GRIN3B: variants seen among roughly 807,000 people sequenced by gnomAD.
The protein encoded by GRIN3B is glutamate ionotropic receptor NMDA type subunit 3B, also known as glutamate receptor ionotropic, NMDA 3B.
Under a neutral mutation model 66.0 loss-of-function variants are expected in GRIN3B, and 77 were observed. That is an observed-to-expected ratio of 1.17 (90% CI 0.97 to 1.41). The LOEUF (loss-of-function observed/expected upper bound fraction) is 1.41, where lower values mean the gene tolerates loss of function less well. GRIN3B is among the 40% of genes most tolerant of loss of function. The pLI is 0.00. For synonymous variants in GRIN3B, 823 were observed against 749.7 expected, an observed-to-expected ratio of 1.10 and a Z score of -1.60; for missense variants, 1,787 against 1,564.5, an observed-to-expected ratio of 1.14 and a Z score of -2.40.
chr19:1,004,174 C>T (rs117700614), intron 2 of GRIN3B, among the ~76,000 whole-genome samples: 2,865 of 152,272 alleles, frequency 0.019, 78 homozygotes, highest in Admixed American at 0.066. Flanking sequence ...CAGCAGAGAA[C>T]GAGCTGAACA....
intron 1 of GRIN3B, among the ~76,000 whole-genome samples, chr19:1,001,336 G>A (rs956019580): frequency 1.3e-5 from 2 of 151,790 alleles, no homozygotes; most frequent in African/African-American, 4.8e-5. Context: ...CTGCAGGTCT[G>A]GATCTCCCTC....
chr19:1,008,210 G>A lies in GRIN3B; in HGVS notation c.2385G>A (p.Lys795=), dbSNP rs980852398. 1.2e-6 allele frequency: 2 copies of A among 1,612,320 alleles called. No homozygotes were observed. The highest frequency in any genetic ancestry group is 2.7e-5 in the African/African-American group (2 of 74,868). The change falls in exon 6 of 9, where the codon AAG becomes AAA. Residue 795 remains lysine, a synonymous_variant. Transcript: ENST00000234389. Reference sequence around the variant, plus strand: ...TGTCCGAGTTCATCAGCCGCTACAAGTCCTCCGGCTTCATCGACCTGCTCC... The same window carrying A: ...TGTCCGAGTTCATCAGCCGCTACAAATCCTCCGGCTTCATCGACCTGCTCC... The part of the protein sequence containing the change: ...SNLSEFISRY[K]SSGFIDLLHD...
intron 3 of GRIN3B, among the ~76,000 whole-genome samples, chr19:1,006,380 C>CAG (rs2038749189): frequency 6.6e-6 from 1 of 151,278 alleles, no homozygotes; most frequent in African/African-American, 2.4e-5. Context: ...CCCCTGACCT[C>CAG]GTGATCCGCC....
intron 8 of GRIN3B, 69 bp from the exon 9 acceptor site, chr19:1,009,104 C>A: frequency 6.9e-7 from 1 of 1,446,930 alleles, no homozygotes; most frequent in Non-Finnish European, 9.1e-7. Flanking sequence ...CCGTCAGCGG[C>A]CTCTGCAGAG....
chr19:1,005,241 C>A lies in GRIN3B; in HGVS notation c.1740C>A (p.Gly580=), dbSNP rs777712343. 2.5e-6 allele frequency: 4 copies of A among 1,613,236 alleles called. No individual in the cohort carries two copies. Among genetic ancestry groups the A allele is most frequent in the East Asian group, 2.2e-5 (1 of 44,880 alleles). ...MWPLHWSTWL[G]VFAALHLTAL... ...CCCTGCACTGGTCCACGTGGCTGGG[C>A]GTCTTTGCGGCCCTGCACCTCACCG... Residue 580 remains glycine (G), a synonymous_variant, in exon 3 of 9, where the codon GGC becomes GGA. Coordinates refer to ENST00000234389, the MANE Select transcript of GRIN3B (RefSeq NM_138690.3). The surrounding 1 kb of genome is among the most constrained non-coding windows in gnomAD (Gnocchi z 5.2).
chr19:1,008,141 C>A lies in GRIN3B; in HGVS notation c.2316C>A (p.Gly772=). 1 of 1,592,420 alleles carries A rather than the reference C, an allele frequency of 6.3e-7. No homozygotes were observed. Among genetic ancestry groups the A allele is most frequent in the Non-Finnish European group, 8.5e-7 (1 of 1,169,830 alleles). ...CACCGCCTGGCCCCGCGCCCCCAGG[C>A]TATGGGATCGGACTGCCCCAGAACT... The part of the protein sequence containing the change: ...LTVGKPFAIE[G]YGIGLPQNSP... The change falls in exon 6 of 9, where the codon GGC becomes GGA. Residue 772 remains glycine (G), a splice_region_variant and synonymous_variant. Transcript: ENST00000234389.
chr19:1,002,315 C>G (rs1394799402), intron 1 of GRIN3B, among the ~76,000 whole-genome samples: 5 of 138,608 alleles, frequency 3.6e-5, no homozygotes, highest in Admixed American at 3.2e-4. Flanking sequence ...GTCAGGAGAT[C>G]GAGACCATCC....
At chr19:1,001,927 A>C (rs2145529818) in intron 1 of GRIN3B, 1 of 152,312 alleles carries the variant, frequency 6.6e-6, no homozygotes, top group Admixed American at 6.5e-5. Context: ...CTGGGGACTG[A>C]GCCCCATCCC....
chr19:1,001,130 C>A (rs984976987), intron 1 of GRIN3B, among the ~76,000 whole-genome samples: 1 of 152,056 alleles, frequency 6.6e-6, no homozygotes, highest in Non-Finnish European at 1.5e-5. Context: ...AACGCCCCTG[C>A]AGACCCCTTC....
rs751030090 is a variant in GRIN3B, at chr19:1,003,242, G to A, written c.539G>A (p.Arg180His). The part of the protein sequence containing the change: ...AWEDVGLALC[R>H]TQDPGGLVAL... The stretch of plus-strand genomic sequence containing the variant: ...GAAGACGTCGGCCTGGCCCTGTGCC[G>A]CACTCAGGACCCCGGCGGCCTGGTG... Residue 180 changes from arginine (R) to histidine (H), a missense_variant, in exon 2 of 9, where the codon CGC (arginine) becomes CAC (histidine). By Grantham distance (29) the Arg-to-His change is conservative. Coordinates refer to ENST00000234389, the MANE Select transcript of GRIN3B (RefSeq NM_138690.3). The A allele has an allele frequency of 7.4e-5, 117 of 1,575,610 alleles. No homozygotes were observed. The highest frequency in any genetic ancestry group is 9.5e-5 in the Non-Finnish European group (110 of 1,162,474).
intron 3 of GRIN3B, among the ~76,000 whole-genome samples, chr19:1,006,456 A>T (rs113427894): frequency 1.7e-3 from 252 of 150,562 alleles, no homozygotes; most frequent in Middle Eastern, 3.5e-3. Context: ...TATTATTATT[A>T]TTTTTTTTTG....
chr19:1,003,609 G>C lies in GRIN3B; in HGVS notation c.906G>C (p.Arg302=). ...AIHDIVQLVA[R]ALGSAAQVQP... ...ATGACATTGTGCAACTGGTGGCCCGGGCGCTGGGCAGTGCGGCCCAGGTGC... is the reference window on the plus strand; with the variant it reads ...ATGACATTGTGCAACTGGTGGCCCGCGCGCTGGGCAGTGCGGCCCAGGTGC... The change falls in exon 2 of 9, where the codon CGG becomes CGC. Residue 302 remains arginine (R), a synonymous_variant. Coordinates refer to ENST00000234389, the MANE Select transcript of GRIN3B (RefSeq NM_138690.3). 5 of 1,453,786 alleles carry C rather than the reference G, an allele frequency of 3.4e-6. No individual in the cohort carries two copies. The highest frequency in any genetic ancestry group is 4.5e-6 in the Non-Finnish European group (5 of 1,107,426). 90.1% of individuals were successfully genotyped at this position (1,453,786 alleles called of 1,614,324 possible).
chr19:1,000,909 A>G lies in GRIN3B; in HGVS notation c.426+46A>G, dbSNP rs972189690. On this transcript the variant is annotated intron_variant, in intron 1 of 8. Transcript: ENST00000234389. ...CAGGACGAGGGGGACCCGGGGCGGGAGCGGGGTCGGGAGCCCTGGGGACGT... is the reference window on the plus strand; with the variant it reads ...CAGGACGAGGGGGACCCGGGGCGGGGGCGGGGTCGGGAGCCCTGGGGACGT... 1.9e-4 allele frequency: 253 copies of G among 1,339,926 alleles called. 2 individuals are homozygous for G. The African/African-American group carries it at 3.4e-3, about 18-fold the overall frequency. The allele number at this position is 1,339,926 out of a possible 1,614,324, so 83.0% of individuals were successfully genotyped here. A position where few individuals can be genotyped will look rare whatever the true frequency, so the allele number is the denominator to read the frequency against.
chr19:1,004,706 C>T lies in GRIN3B; in HGVS notation c.1205C>T (p.Ser402Phe). The change falls in exon 3 of 9, where the codon TCT becomes TTT. Residue 402 changes from serine (S) to phenylalanine (F), a missense_variant. Physicochemically the swap from Ser to Phe is radical, Grantham distance 155. Coordinates refer to ENST00000234389, the MANE Select transcript of GRIN3B (RefSeq NM_138690.3). Reference protein sequence around the residue: ...GQLDLEPGGASARPPPPQGAQ... With the variant: ...GQLDLEPGGAFARPPPPQGAQ... ...CTGGACTTGGAACCGGGAGGTGCCT[C>T]TGCACGGCCCCCGCCCCCACAGGGT... is the stretch of plus-strand genomic sequence containing the variant. 3 of 1,604,416 alleles carry T rather than the reference C, an allele frequency of 1.9e-6. No individual in the cohort carries two copies. The highest frequency in any genetic ancestry group is 1.1e-5 in the South Asian group (1 of 90,364).
chr19:1,001,731 G>A (rs548552635), intron 1 of GRIN3B, among the ~76,000 whole-genome samples: 4 of 152,052 alleles, frequency 2.6e-5, no homozygotes, highest in African/African-American at 9.7e-5. Context: ...ACGCTAGAGG[G>A]GGGGTCTCTT....
intron 5 of GRIN3B, 33 bp from the exon 6 acceptor site, chr19:1,008,107 A>ACCTGGCCCCACCG: frequency 6.4e-7 from 1 of 1,572,376 alleles, no homozygotes; most frequent in Non-Finnish European, 8.6e-7. Flanking sequence ...GGGCTGTCCC[A>ACCTGGCCCCACCG]CCTGGCCCCA....
chr19:1,003,657 C>T lies in GRIN3B; in HGVS notation c.954C>T (p.Pro318=), dbSNP rs1368223953. Residue 318 remains proline (P), a synonymous_variant, in exon 2 of 9, where the codon CCC becomes CCT. Coordinates refer to ENST00000234389, the MANE Select transcript of GRIN3B (RefSeq NM_138690.3). The part of the protein sequence containing the change: ...AQVQPKRALL[P]APVNCGDLQP... ...TGCAGCCGAAGCGAGCCCTCCTCCC[C>T]GCCCCGGTCAACTGCGGGGACCTGC... is the stretch of plus-strand genomic sequence containing the variant. The T allele has an allele frequency of 4.1e-5, 58 of 1,413,780 alleles. No homozygotes were observed. Among genetic ancestry groups the T allele is most frequent in the African/African-American group, 7.6e-5 (5 of 65,900 alleles). 87.6% of individuals were successfully genotyped at this position (1,413,780 alleles called of 1,614,324 possible).
rs540577610 is a variant in GRIN3B at position 1,008,994 on chromosome 19, C to T, written c.2702+67C>T. The T allele has an allele frequency of 9.8e-6, 15 of 1,535,094 alleles. No individual in the cohort carries two copies. In the East Asian group the frequency reaches 1.5e-4, roughly 15 times the overall value. ...GACCCACCACCCCACCAGCTCGCCCCGAAGCCGGCCGCGGGGTGCAGGAGG... is the reference window on the plus strand; with the variant it reads ...GACCCACCACCCCACCAGCTCGCCCTGAAGCCGGCCGCGGGGTGCAGGAGG... On this transcript the variant is annotated intron_variant, in intron 8 of 8. Transcript: ENST00000234389.
In GRIN3B at chr19:1,005,905, G is replaced by A. The variant is rs1004072965; in HGVS notation, c.2052+352G>A. ...TGTAATCCCAGCTACTCGGGAGGCT[G>A]AGGCAGGAGAATCACTTGAACCCAG... On this transcript the variant is annotated intron_variant, in intron 3 of 8. Coordinates refer to ENST00000234389, the MANE Select transcript of GRIN3B (RefSeq NM_138690.3). This position sits in a 1 kb window ranked among gnomAD's most constrained non-coding sequence, Gnocchi z 5.2. Among the ~76,000 whole-genome samples the A allele has an allele frequency of 6.6e-6, 1 of 152,108 alleles. No homozygotes were observed. Among genetic ancestry groups the A allele is most frequent in the Admixed American group, 6.5e-5 (1 of 15,278 alleles).
Sources: allele counts gnomAD v4.1 joint callset (sites outside exome capture counted in the v4.1 genomes callset), GRCh38; gene constraint gnomAD v4.1.1; non-coding constraint Gnocchi (gnomAD v3.1); transcripts MANE v1.5; gene names NCBI Gene and HGNC (gene_info 2026-07-23, HGNC 2026-07-21).